Variants in CRACR2A observed in about 807,000 individuals in gnomAD.
CRACR2A encodes EF-hand calcium-binding domain-containing protein 4B.
A neutral mutation model predicts 90.5 loss-of-function variants in CRACR2A; 79 were observed. That is an observed-to-expected ratio of 0.87 (90% CI 0.73 to 1.05). CRACR2A has a LOEUF of 1.05. Among genes scored for constraint, CRACR2A ranks in the 50% least tolerant of loss-of-function variants. The pLI is 0.00. For missense variants in CRACR2A, 823 were observed against 897.2 expected, an observed-to-expected ratio of 0.92 and a Z score of 1.06; for synonymous variants, 338 against 356.7, an observed-to-expected ratio of 0.95 and a Z score of 0.59.
intron 11 of CRACR2A, among the ~76,000 whole-genome samples, chr12:3,647,763 A>G (rs1377564789): frequency 1.3e-5 from 2 of 152,214 alleles, no homozygotes; most frequent in Non-Finnish European, 2.9e-5. Context: ...ATAACTAGGA[A>G]GTGATTCAAA....
chr12:3,686,284 A>C (rs1468879932), intron 4 of CRACR2A, among the ~76,000 whole-genome samples: 1 of 152,228 alleles, frequency 6.6e-6, no homozygotes, highest in Non-Finnish European at 1.5e-5. Flanking sequence ...TCTTTGTCAC[A>C]TCTACTTCCC....
intron 14 of CRACR2A, among the ~76,000 whole-genome samples, chr12:3,635,457 A>G (rs1944439238): frequency 6.6e-6 from 1 of 152,208 alleles, no homozygotes. Flanking sequence ...GAGGAAATTA[A>G]TTCTTCATAG....
chr12:3,643,778 TTTATATATATATTTATATAATATATA>T (rs1944618521), intron 12 of CRACR2A, among the ~76,000 whole-genome samples: 1 of 115,488 alleles, frequency 8.7e-6, no homozygotes, highest in Non-Finnish European at 1.7e-5. Context: ...ATATATATAG[TTTATATATATATTTATATAATATATA>T]TTATATATAT....
intron 10 of CRACR2A, among the ~76,000 whole-genome samples, chr12:3,653,616 C>T (rs1041165556): frequency 9.9e-5 from 15 of 152,140 alleles, no homozygotes; most frequent in Non-Finnish European, 1.8e-4. Flanking sequence ...ATTGGCAGGT[C>T]GGGCCCTGAG....
chr12:3,619,045 C>A (rs1219022352), intron 18 of CRACR2A, among the ~76,000 whole-genome samples: 2 of 152,162 alleles, frequency 1.3e-5, no homozygotes, highest in Non-Finnish European at 2.9e-5. Flanking sequence ...TTCCCCATGC[C>A]CTAGTGGTCC....
intron 7 of CRACR2A, among the ~76,000 whole-genome samples, chr12:3,669,508 C>G (rs61907232): frequency 6.8e-6 from 1 of 146,738 alleles, no homozygotes; most frequent in East Asian, 2.2e-4. Flanking sequence ...ACAAGGGGCT[C>G]AAATCCGAAA....
intron 2 of CRACR2A, among the ~76,000 whole-genome samples, chr12:3,717,530 G>A (rs1051528884): frequency 2.0e-5 from 3 of 152,148 alleles, no homozygotes; most frequent in Non-Finnish European, 2.9e-5. Context: ...GCTAGGGTAA[G>A]CTCCCTGGAC....
intron 11 of CRACR2A, among the ~76,000 whole-genome samples, chr12:3,646,010 T>C (rs1277598690): frequency 1.3e-5 from 2 of 152,118 alleles, no homozygotes; most frequent in Non-Finnish European, 2.9e-5. Flanking sequence ...GTGGCCTCTG[T>C]GACGAGTATG....
At chr12:3,694,844 A>C (rs1945711268) in intron 4 of CRACR2A, among the ~76,000 whole-genome samples, 1 of 152,180 alleles carries the variant, frequency 6.6e-6, no homozygotes. Flanking sequence ...ACTTCAGAAA[A>C]TTAAGTAGAC....
At chr12:3,715,757 G>T (rs553793960) in intron 2 of CRACR2A, among the ~76,000 whole-genome samples, 82 of 152,346 alleles carry the variant, frequency 5.4e-4, no homozygotes, top group African/African-American at 1.8e-3. Flanking sequence ...GTTCCATCAT[G>T]TTTGATACAC....
In CRACR2A at chr12:3,638,272, C is replaced by T; in HGVS notation, c.1454G>A (p.Gly485Asp). Reference sequence around the variant, plus strand: ...TTTGCTCAGGGGTTGCTCAAAGCCACCATCCAGGAGCTGGGGCAGGGGGTC... The same window carrying T: ...TTTGCTCAGGGGTTGCTCAAAGCCATCATCCAGGAGCTGGGGCAGGGGGTC... ...EEDPLPQLLD[G>D]GFEQPLSKCS... The change falls in exon 14 of 20, where the codon GGT (glycine) becomes GAT (aspartate). Residue 485 changes from glycine (G) to aspartate (D), a missense_variant. By Grantham distance (94) the Gly-to-Asp change is moderately conservative (BLOSUM62 -1). Transcript: ENST00000440314. 1 of 1,551,700 alleles carries T rather than the reference C, an allele frequency of 6.4e-7. No homozygotes were observed. The highest frequency in any genetic ancestry group is 8.7e-7 in the Non-Finnish European group (1 of 1,146,998).
intron 4 of CRACR2A, among the ~76,000 whole-genome samples, chr12:3,681,359 G>A (rs1945447780): frequency 6.6e-6 from 1 of 152,218 alleles, no homozygotes; most frequent in South Asian, 2.1e-4. Flanking sequence ...GTGTGAGGAG[G>A]TTATCGCTGG....
intron 10 of CRACR2A, among the ~76,000 whole-genome samples, chr12:3,649,457 C>T (rs966561523): frequency 6.6e-6 from 1 of 152,158 alleles, no homozygotes; most frequent in Non-Finnish European, 1.5e-5. Flanking sequence ...CCTTCTCTTT[C>T]CCACCCTCCT....
intron 1 of CRACR2A, among the ~76,000 whole-genome samples, chr12:3,743,914 C>T (rs1946569613): frequency 1.3e-5 from 2 of 152,120 alleles, no homozygotes; most frequent in Admixed American, 6.5e-5. Context: ...GAGGACACGT[C>T]GCAGAAGATG....
At chr12:3,618,446 C>G (rs1298187924) in intron 18 of CRACR2A, among the ~76,000 whole-genome samples, 1 of 152,176 alleles carries the variant, frequency 6.6e-6, no homozygotes, top group Non-Finnish European at 1.5e-5. Flanking sequence ...CAAAACAACC[C>G]TTTCTGTTTT....
chr12:3,622,425 C>T (rs964126181), intron 17 of CRACR2A, among the ~76,000 whole-genome samples: 5 of 152,202 alleles, frequency 3.3e-5, no homozygotes, highest in Non-Finnish European at 7.3e-5. Flanking sequence ...GTTCTATGAC[C>T]CTCTAACAGA....
intron 1 of CRACR2A, among the ~76,000 whole-genome samples, chr12:3,747,758 A>G (rs1946647613): frequency 6.6e-6 from 1 of 152,184 alleles, no homozygotes; most frequent in South Asian, 2.1e-4. Flanking sequence ...TTCCGGGAGG[A>G]GGGCAGCCAC....
At chr12:3,660,881 CACACACAA>C (rs1256579013) in intron 7 of CRACR2A, among the ~76,000 whole-genome samples, 44 of 124,428 alleles carry the variant, frequency 3.5e-4, no homozygotes, top group African/African-American at 1.4e-3. Flanking sequence ...CACACACACA[CACACACAA>C]TTTTGGCCCC....
chr12:3,738,611 C>T (rs1257880639), intron 1 of CRACR2A, among the ~76,000 whole-genome samples: 1 of 151,948 alleles, frequency 6.6e-6, no homozygotes, highest in African/African-American at 2.4e-5. Context: ...GACAAAGACA[C>T]TGAAAATATG....
Sources: allele counts gnomAD v4.1 joint callset (sites outside exome capture counted in the v4.1 genomes callset), GRCh38; gene constraint gnomAD v4.1.1; transcripts MANE v1.5; gene names NCBI Gene and HGNC (gene_info 2026-07-23, HGNC 2026-07-21).